BTG4: variants seen among roughly 807,000 people sequenced by gnomAD.
BTG4 encodes BTG anti-proliferation factor 4.
Under a neutral mutation model 19.3 loss-of-function variants are expected in BTG4, and 10 were observed. The ratio of observed to expected loss-of-function variants is 0.52; its 90% CI spans 0.32 to 0.88. BTG4 has a LOEUF of 0.88. Among genes scored for constraint, BTG4 ranks in the 40% least tolerant of loss-of-function variants. The pLI, the probability that BTG4 is intolerant of heterozygous loss-of-function variation, is 0.04. For missense variants in BTG4, 238 were observed against 281.9 expected, an observed-to-expected ratio of 0.84 and a Z score of 1.11; for synonymous variants, 91 against 95.7, an observed-to-expected ratio of 0.95 and a Z score of 0.29.
At chr11:111,463,028 C>T (rs542064945), downstream of BTG4, 3 of 152,852 alleles carry the variant, frequency 2.0e-5, no homozygotes, top group South Asian at 6.2e-4. Context: ...TTGGCCATTA[C>T]GTTCCCTGTG....
intron 5 of BTG4, among the ~76,000 whole-genome samples, chr11:111,472,551 A>G (rs763062852): frequency 7.9e-5 from 12 of 152,152 alleles, no homozygotes; most frequent in Non-Finnish European, 1.8e-4. Context: ...AATAGTGCCA[A>G]TCCTGGTCTA....
chr11:111,407,458 G>T, the BTG4 span, among the ~76,000 whole-genome samples: 4 of 152,230 alleles, frequency 2.6e-5, no homozygotes, highest in Non-Finnish European at 4.4e-5. Context: ...ATCACCTGAG[G>T]TCAGGAGTTC....
At chr11:111,405,232 C>T in the BTG4 span, among the ~76,000 whole-genome samples, 4 of 151,866 alleles carry the variant, frequency 2.6e-5, no homozygotes, top group Admixed American at 2.0e-4. Flanking sequence ...AGCGAAACCC[C>T]ATCTGTACTA....
At chr11:111,428,586 C>T in the BTG4 span, among the ~76,000 whole-genome samples, 1 of 152,194 alleles carries the variant, frequency 6.6e-6, no homozygotes, top group Non-Finnish European at 1.5e-5. Context: ...ACAGGTTCTT[C>T]CTGATCCAAA....
At chr11:111,510,671 A>AT (rs926484126) in intron 1 of BTG4, among the ~76,000 whole-genome samples, 3 of 151,886 alleles carry the variant, frequency 2.0e-5, no homozygotes, top group African/African-American at 7.3e-5. Context: ...GGCCACACAT[A>AT]TTTTTTGTCG....
At chr11:111,436,850 G>A in the BTG4 span, among the ~76,000 whole-genome samples, 1 of 152,156 alleles carries the variant, frequency 6.6e-6, no homozygotes, top group Non-Finnish European at 1.5e-5. Flanking sequence ...TTTGCTGAGA[G>A]TTTCCGTTGG....
chr11:111,504,326 C>T (rs1866294132), intron 1 of BTG4, among the ~76,000 whole-genome samples: 1 of 152,004 alleles, frequency 6.6e-6, no homozygotes, highest in African/African-American at 2.4e-5. Context: ...AATTGCATTT[C>T]CCAAAACATT....
the BTG4 span, among the ~76,000 whole-genome samples, chr11:111,403,937 G>T: frequency 6.6e-6 from 1 of 152,162 alleles, no homozygotes; most frequent in East Asian, 1.9e-4. Flanking sequence ...ACTCTGTATT[G>T]ATTATTTCAG....
downstream of BTG4, chr11:111,463,587 G>A (rs1026903471): frequency 6.6e-6 from 1 of 152,572 alleles, no homozygotes; most frequent in Non-Finnish European, 1.5e-5. Context: ...CACCATAGGC[G>A]TGTGTCCCCA....
chr11:111,441,771 G>A, the BTG4 span, among the ~76,000 whole-genome samples: 26 of 152,280 alleles, frequency 1.7e-4, no homozygotes, highest in Admixed American at 4.6e-4. Flanking sequence ...AAAGCAAAGC[G>A]AGTTGGGCCG....
At chr11:111,393,063 T>C in the BTG4 span, among the ~76,000 whole-genome samples, 5 of 152,124 alleles carry the variant, frequency 3.3e-5, no homozygotes, top group African/African-American at 4.8e-5. Flanking sequence ...TACCATATCG[T>C]CACCTAGATT....
the BTG4 span, among the ~76,000 whole-genome samples, chr11:111,418,647 A>G: frequency 6.6e-6 from 1 of 152,272 alleles, no homozygotes; most frequent in East Asian, 1.9e-4. Flanking sequence ...GAAACACTCT[A>G]TTTACTAGCT....
the BTG4 span, among the ~76,000 whole-genome samples, chr11:111,395,882 G>A: frequency 2.2e-3 from 338 of 152,312 alleles, no homozygotes; most frequent in African/African-American, 7.6e-3. Flanking sequence ...TTAGAGGCAC[G>A]CCTCCTGCAT....
chr11:111,480,165 A>G (rs950127711), intron 5 of BTG4, among the ~76,000 whole-genome samples: 18 of 152,270 alleles, frequency 1.2e-4, no homozygotes, highest in Admixed American at 8.5e-4. Context: ...CTATGCAAAC[A>G]TTAATCAAAA....
upstream of BTG4, chr11:111,514,690 A>G: frequency 1.1e-6 from 1 of 901,184 alleles, no homozygotes; most frequent in Non-Finnish European, 1.6e-6. Flanking sequence ...GGCAGCCGGC[A>G]GGGGCTGGTA....
In BTG4 at chr11:111,476,435, C is replaced by T. The variant is rs577389193; in HGVS notation, c.663-8754G>A. 3.3e-5 allele frequency among the ~76,000 whole-genome samples: 5 copies of T among 152,074 alleles called. No individual in the cohort carries two copies. In the South Asian group the frequency reaches 1.0e-3, roughly 32 times the overall value. On this transcript the variant is annotated intron_variant, in intron 5 of 5. Coordinates refer to the BTG4 transcript ENST00000356018. ...TACTTTCAAGAAAATAAAATAAAAA[C>T]AGTGAAATAACATGAAAAGAAGATT...
At chr11:111,439,025 A>T in the BTG4 span, among the ~76,000 whole-genome samples, 4 of 152,204 alleles carry the variant, frequency 2.6e-5, no homozygotes, top group Non-Finnish European at 4.4e-5. Context: ...TTACCTGACT[A>T]GCACGTGGGC....
chr11:111,386,515 G>A, the BTG4 span, among the ~76,000 whole-genome samples: 1 of 152,162 alleles, frequency 6.6e-6, no homozygotes, highest in African/African-American at 2.4e-5. Context: ...CAGACTTATA[G>A]AGGATTTCTT....
chr11:111,437,241 G>C, the BTG4 span, among the ~76,000 whole-genome samples: 2 of 151,964 alleles, frequency 1.3e-5, no homozygotes, highest in Non-Finnish European at 2.9e-5. Context: ...AGAGCCCAGA[G>C]ACCCCCTGCT....
Sources: allele counts gnomAD v4.1 joint callset (sites outside exome capture counted in the v4.1 genomes callset), GRCh38; gene constraint gnomAD v4.1.1; transcripts MANE v1.5; gene names NCBI Gene and HGNC (gene_info 2026-07-23, HGNC 2026-07-21).